Variants in WWOX observed in about 807,000 individuals in gnomAD.
The protein encoded by WWOX is WW domain-containing oxidoreductase.
In WWOX, 69 loss-of-function variants were observed where a neutral mutation model predicts 46.2. The observed-to-expected ratio is 1.49, with a 90% confidence interval of 1.23 to 1.82. The LOEUF (loss-of-function observed/expected upper bound fraction) is 1.82. Among genes scored for constraint, WWOX ranks in the 40% most tolerant of loss-of-function variants. The pLI, the probability that WWOX is intolerant of heterozygous loss-of-function variation, is 0.00. For synonymous variants in WWOX, 359 were observed against 202.6 expected, an observed-to-expected ratio of 1.77 and a Z score of -6.56; for missense variants, 919 against 542.6, an observed-to-expected ratio of 1.69 and a Z score of -6.89.
At chr16:78,687,304 A>T (rs2047885268) in intron 8 of WWOX, among the ~76,000 whole-genome samples, 1 of 152,210 alleles carries the variant, frequency 6.6e-6, no homozygotes, top group African/African-American at 2.4e-5. Context: ...TTAAAATCAA[A>T]ATCTCATCAA....
intron 8 of WWOX, among the ~76,000 whole-genome samples, chr16:78,578,108 A>T (rs1265714764): frequency 6.6e-6 from 1 of 151,484 alleles, no homozygotes; most frequent in Non-Finnish European, 1.5e-5. Flanking sequence ...ATACTGTGTC[A>T]TCTTAATACA....
intron 8 of WWOX, among the ~76,000 whole-genome samples, chr16:78,917,727 G>T (rs940572958): frequency 6.6e-6 from 1 of 151,916 alleles, no homozygotes; most frequent in Non-Finnish European, 1.5e-5. Context: ...GTTTTTGGTA[G>T]TGCCTCCAGA....
chr16:79,102,421 G>A (rs1300273482), intron 8 of WWOX, among the ~76,000 whole-genome samples: 4 of 152,162 alleles, frequency 2.6e-5, no homozygotes, highest in Non-Finnish European at 4.4e-5. Context: ...TATTGAGCTG[G>A]TGTGTGCTAA....
chr16:78,115,892 C>T (rs1597219510), intron 4 of WWOX, among the ~76,000 whole-genome samples: 2 of 152,304 alleles, frequency 1.3e-5, no homozygotes, highest in African/African-American at 4.8e-5. Flanking sequence ...TGAAACGTTG[C>T]ATTTGGCTGT....
intron 5 of WWOX, among the ~76,000 whole-genome samples, chr16:78,308,805 C>G (rs1379043739): frequency 6.6e-6 from 1 of 152,124 alleles, no homozygotes; most frequent in African/African-American, 2.4e-5. Flanking sequence ...CCCAGATAGT[C>G]CTTTCTACTG....
At position 78,099,868 on chromosome 16, in the gene WWOX, C is replaced by T. The variant is rs772839022; in HGVS notation, c.90C>T (p.Gly30=). Residue 30 remains glycine (G), a synonymous_variant, in exon 1 of 9, where the codon GGC becomes GGT. Coordinates refer to ENST00000566780, the MANE Select transcript of WWOX (RefSeq NM_016373.4). ...PGWEERTTKD[G]WVYYANHTEE... is the part of the protein sequence containing the mutation. ...GGGAGGAGAGAACCACCAAGGACGG[C>T]TGGGTTTACTACGCCAAGTAAGGGG... is the stretch of plus-strand genomic sequence containing the variant. 3.8e-6 allele frequency: 6 copies of T among 1,573,166 alleles called. No homozygotes were observed. The highest frequency in any genetic ancestry group is 1.9e-5 in the Admixed American group (1 of 53,948).
intron 8 of WWOX, among the ~76,000 whole-genome samples, chr16:79,014,788 C>G (rs2047380145): frequency 6.6e-6 from 1 of 152,202 alleles, no homozygotes; most frequent in Non-Finnish European, 1.5e-5. Context: ...TCCAAGGCTA[C>G]TTACTATGCT....
intron 8 of WWOX, among the ~76,000 whole-genome samples, chr16:78,811,592 A>T (rs2051190587): frequency 6.6e-6 from 1 of 151,728 alleles, no homozygotes; most frequent in Non-Finnish European, 1.5e-5. Flanking sequence ...GCTGGTCTCA[A>T]GCTCCTGACC....
rs757708765 is a variant in WWOX, at chr16:79,212,180, C to T, written c.*384C>T. On this transcript the variant is annotated 3_prime_UTR_variant, in exon 9 of 9. Transcript: ENST00000566780. ...CTACCACCACGGCCACCACTGCAGC[C>T]GGGGGCTGGCCTTCTCCTACTTAGG... 8.8e-6 allele frequency: 13 copies of T among 1,478,916 alleles called. No homozygotes were observed. The highest frequency in any genetic ancestry group is 4.8e-5 in the Admixed American group (2 of 42,050). 91.6% of individuals were successfully genotyped at this position (1,478,916 alleles called of 1,614,324 possible).
chr16:79,055,726 A>G (rs2048249816), intron 8 of WWOX, among the ~76,000 whole-genome samples: 1 of 152,194 alleles, frequency 6.6e-6, no homozygotes, highest in Admixed American at 6.5e-5. Context: ...AGTGAATTTA[A>G]TTTTTCTATG....
intron 8 of WWOX, among the ~76,000 whole-genome samples, chr16:79,003,193 C>T (rs2047127395): frequency 2.6e-5 from 4 of 152,200 alleles, no homozygotes; most frequent in Admixed American, 2.6e-4. Context: ...AAACTAAGTG[C>T]TTAGTGAGAA....
Position 78,201,408 on chromosome 16 carries a change from C to G in WWOX, c.516+37119C>G, listed in dbSNP as rs558931783. 1.8e-4 allele frequency among the ~76,000 whole-genome samples: 27 copies of G among 152,258 alleles called. No individual in the cohort carries two copies. The East Asian group carries it at 4.4e-3, about 25-fold the overall frequency. On this transcript the variant is annotated intron_variant, in intron 5 of 8. Coordinates refer to ENST00000566780, the MANE Select transcript of WWOX (RefSeq NM_016373.4). Reference sequence around the variant, plus strand: ...TGATTTGGGCTTGATTATTCTAAGACTGTATTCTAAGTCTAAAATGTTGAT... The same window carrying G: ...TGATTTGGGCTTGATTATTCTAAGAGTGTATTCTAAGTCTAAAATGTTGAT...
chr16:78,564,395 T>C (rs1289938818), intron 8 of WWOX, among the ~76,000 whole-genome samples: 1 of 152,202 alleles, frequency 6.6e-6, no homozygotes, highest in Non-Finnish European at 1.5e-5. Context: ...GGCTAGTGTT[T>C]TCTGTCTCAG....
intron 8 of WWOX, among the ~76,000 whole-genome samples, chr16:79,065,582 T>C (rs2048426725): frequency 6.6e-6 from 1 of 152,226 alleles, no homozygotes; most frequent in Non-Finnish European, 1.5e-5. Flanking sequence ...TCTACAATAG[T>C]GATGTTATCT....
At chr16:78,885,448 A>G (rs2044435152) in intron 8 of WWOX, among the ~76,000 whole-genome samples, 1 of 152,214 alleles carries the variant, frequency 6.6e-6, no homozygotes, top group African/African-American at 2.4e-5. Context: ...CTGTCTAAAC[A>G]TCTTATTCTG....
intron 5 of WWOX, among the ~76,000 whole-genome samples, chr16:78,240,080 A>G (rs764676452): frequency 2.6e-5 from 4 of 152,182 alleles, no homozygotes; most frequent in African/African-American, 4.8e-5. Flanking sequence ...ATGTAACGTT[A>G]TATGGAAACA....
intron 8 of WWOX, among the ~76,000 whole-genome samples, chr16:78,859,048 A>ATATATATG (rs1241197814): frequency 2.8e-4 from 7 of 24,910 alleles, no homozygotes; most frequent in Admixed American, 1.1e-3. Context: ...ATATATATAT[A>ATATATATG]TGTATATATA....
intron 8 of WWOX, among the ~76,000 whole-genome samples, chr16:78,747,667 C>G (rs1176183839): frequency 6.6e-6 from 1 of 152,108 alleles, no homozygotes; most frequent in Non-Finnish European, 1.5e-5. Flanking sequence ...GAGCACTTAC[C>G]ACTTTCTGAA....
chr16:78,208,942 T>C (rs866651176), intron 5 of WWOX, among the ~76,000 whole-genome samples: 1 of 152,158 alleles, frequency 6.6e-6, no homozygotes, highest in South Asian at 2.1e-4. Context: ...CCAAATTATA[T>C]TAAGTGCAGC....
Sources: gnomAD v4.1 joint callset for allele counts (sites outside exome capture counted in the v4.1 genomes callset) on GRCh38, gnomAD v4.1.1 for gene constraint, MANE v1.5 for transcripts, NCBI Gene and HGNC (gene_info 2026-07-23, HGNC 2026-07-21) for gene names.